Variants in ARHGEF3 observed in about 807,000 individuals in gnomAD.
ARHGEF3 encodes the protein 59.8 kDA protein.
A neutral mutation model predicts 63.2 loss-of-function variants in ARHGEF3; 28 were observed. The observed-to-expected ratio is 0.44, with a 90% confidence interval of 0.33 to 0.61. The LOEUF (loss-of-function observed/expected upper bound fraction) is 0.61. Ranked by LOEUF, ARHGEF3 falls within the 20% of genes least tolerant of loss-of-function variation. ARHGEF3 has a pLI of 0.03. For missense variants in ARHGEF3, 533 were observed against 659.3 expected, an observed-to-expected ratio of 0.81 and a Z score of 2.10; for synonymous variants, 266 against 254.2, an observed-to-expected ratio of 1.05 and a Z score of -0.44.
intron 9 of ARHGEF3, 125 bp downstream of exon 9, chr3:56,732,113 G>T: frequency 8.7e-7 from 1 of 1,150,160 alleles, no homozygotes; most frequent in Middle Eastern, 2.8e-4. Context: ...AGGAAGTGAT[G>T]AAATAGCATA....
chr3:56,972,056 T>C (rs1700935097), intron 2 of ARHGEF3, among the ~76,000 whole-genome samples: 1 of 151,974 alleles, frequency 6.6e-6, no homozygotes, highest in African/African-American at 2.4e-5. Context: ...TTATTTCAAG[T>C]CCATGGATGG....
chr3:56,928,906 T>C (rs1246328702), intron 3 of ARHGEF3, among the ~76,000 whole-genome samples: 1 of 152,056 alleles, frequency 6.6e-6, no homozygotes, highest in East Asian at 1.9e-4. Flanking sequence ...CGGGCCTCAG[T>C]GAGGAGGTGG....
At chr3:56,913,396 A>C (rs1048264714) in intron 3 of ARHGEF3, among the ~76,000 whole-genome samples, 1 of 152,212 alleles carries the variant, frequency 6.6e-6, no homozygotes, top group African/African-American at 2.4e-5. Context: ...AATAATGCAC[A>C]CGAAGAGATG....
intron 3 of ARHGEF3, among the ~76,000 whole-genome samples, chr3:56,944,568 C>CTTTTTTTTT (rs1205155655): frequency 0.012 from 816 of 65,716 alleles, 28 homozygotes; most frequent in East Asian, 0.025. Context: ...AAAGTGGTTT[C>CTTTTTTTTT]TTTTTTTTTT....
At chr3:56,749,605 G>A (rs763625576) in intron 6 of ARHGEF3, among the ~76,000 whole-genome samples, 4 of 152,114 alleles carry the variant, frequency 2.6e-5, no homozygotes, top group African/African-American at 4.8e-5. Context: ...GTCTGTCTCC[G>A]GTTGGCTGGC....
intron 1 of ARHGEF3, among the ~76,000 whole-genome samples, chr3:57,044,448 T>C: frequency 6.6e-6 from 1 of 152,218 alleles, no homozygotes; most frequent in East Asian, 1.9e-4. Flanking sequence ...CAAGGACTTG[T>C]ATTTCTAAAC....
chr3:56,767,742 ATT>A (rs1355836911), intron 2 of ARHGEF3, among the ~76,000 whole-genome samples: 50 of 151,144 alleles, frequency 3.3e-4, no homozygotes, highest in African/African-American at 1.2e-3. Flanking sequence ...ATTTTTCAGT[ATT>A]TATTTATTTA....
chr3:56,875,040 G>C (rs538095883), intron 4 of ARHGEF3, among the ~76,000 whole-genome samples: 30 of 152,268 alleles, frequency 2.0e-4, no homozygotes, highest in African/African-American at 6.7e-4. Context: ...CACTGTGATT[G>C]GGAGGACAGG....
chr3:57,072,101 A>C (rs1473716063), intron 1 of ARHGEF3, among the ~76,000 whole-genome samples: 1 of 151,100 alleles, frequency 6.6e-6, no homozygotes, highest in Admixed American at 6.6e-5. Flanking sequence ...GATGGCAATA[A>C]TCACAAGATG....
chr3:56,942,759 G>T (rs915862184), intron 3 of ARHGEF3, among the ~76,000 whole-genome samples: 9 of 152,190 alleles, frequency 5.9e-5, no homozygotes, highest in South Asian at 4.1e-4. Flanking sequence ...GTTCTTGAAG[G>T]AAATTGAAAG....
intron 3 of ARHGEF3, among the ~76,000 whole-genome samples, chr3:56,885,868 C>T (rs550519169): frequency 4.6e-5 from 7 of 152,308 alleles, no homozygotes; most frequent in Non-Finnish European, 7.3e-5. Context: ...TGACTGACCA[C>T]TGCCAGCAAC....
intron 2 of ARHGEF3, among the ~76,000 whole-genome samples, chr3:57,027,604 C>T (rs547807056): frequency 6.6e-6 from 1 of 152,126 alleles, no homozygotes; most frequent in African/African-American, 2.4e-5. Context: ...CCTGTAATCC[C>T]AGCACTTTGG....
At chr3:56,780,360 C>T (rs1235076309) in intron 1 of ARHGEF3, among the ~76,000 whole-genome samples, 1 of 152,164 alleles carries the variant, frequency 6.6e-6, no homozygotes, top group South Asian at 2.1e-4. Context: ...TTGAAATAAT[C>T]TTAGATTTAC....
chr3:56,823,791 A>T (rs529636358), intron 4 of ARHGEF3, among the ~76,000 whole-genome samples: 18 of 152,252 alleles, frequency 1.2e-4, no homozygotes, highest in African/African-American at 4.3e-4. Flanking sequence ...TGCCCAGGGG[A>T]TAATTATCAC....
intron 1 of ARHGEF3, among the ~76,000 whole-genome samples, chr3:56,794,260 G>A (rs1488181274): frequency 1.3e-5 from 2 of 152,018 alleles, no homozygotes; most frequent in East Asian, 1.9e-4. Flanking sequence ...GGCCGAGGGG[G>A]GTGGATTATC....
chr3:56,988,208 G>A (rs1701616081), intron 2 of ARHGEF3, among the ~76,000 whole-genome samples: 3 of 152,138 alleles, frequency 2.0e-5, no homozygotes, highest in South Asian at 2.1e-4. Flanking sequence ...GTGCAGTGGC[G>A]CGATCTTGGC....
In ARHGEF3 at chr3:56,934,322, G is replaced by A. The variant is rs151069089; in HGVS notation, c.129+24501C>T. ...CGTGCTGGCAGTCCTCAGAGCCCTC[G>A]CTTGCTCTTGGCACCTCCTCTGCCT... is the stretch of plus-strand genomic sequence containing the variant. On this transcript the variant is annotated intron_variant, in intron 3 of 12. Coordinates refer to the ARHGEF3 transcript ENST00000338458. 2.9e-3 allele frequency among the ~76,000 whole-genome samples: 445 copies of A among 152,338 alleles called. 2 individuals are homozygous for A. Among genetic ancestry groups the A allele is most frequent in the African/African-American group, 0.01 (424 of 41,576 alleles).
intron 3 of ARHGEF3, among the ~76,000 whole-genome samples, chr3:56,937,128 G>C (rs1326419235): frequency 6.6e-6 from 1 of 152,158 alleles, no homozygotes; most frequent in African/African-American, 2.4e-5. Flanking sequence ...CATGGTCCTT[G>C]ATTGGATAAA....
At chr3:56,858,158 C>A (rs1267057276) in intron 4 of ARHGEF3, among the ~76,000 whole-genome samples, 1 of 146,456 alleles carries the variant, frequency 6.8e-6, no homozygotes, top group African/African-American at 2.5e-5. Flanking sequence ...GCAGGAGGAT[C>A]GCTTGAGCCT....
Sources: allele counts gnomAD v4.1 joint callset (sites outside exome capture counted in the v4.1 genomes callset), GRCh38; gene constraint gnomAD v4.1.1; transcripts MANE v1.5; gene names NCBI Gene and HGNC (gene_info 2026-07-23, HGNC 2026-07-21).